Variants in ANKRD65 observed in about 807,000 individuals in gnomAD.
ANKRD65 encodes ankyrin repeat domain-containing protein 65.
Under a neutral mutation model 17.2 loss-of-function variants are expected in ANKRD65, and 26 were observed. That is an observed-to-expected ratio of 1.51 (90% CI 1.11 to 2.09). The LOEUF (loss-of-function observed/expected upper bound fraction) is 2.09. ANKRD65 is among the 30% of genes most tolerant of loss of function. The pLI is 0.00. For missense variants in ANKRD65, 621 were observed against 542.2 expected (o/e 1.15, Z -1.44); for synonymous variants, 311 against 272.2 (o/e 1.14, Z -1.40).
At position 1,418,786 on chromosome 1, in the gene ANKRD65, T is replaced by A. The variant is rs1032986249; in HGVS notation, c.*314A>T. 1.8e-5 allele frequency: 5 copies of A among 280,020 alleles called. No homozygotes were observed. Among genetic ancestry groups the A allele is most frequent in the African/African-American group, 4.4e-5 (2 of 45,610 alleles). 17.3% of individuals were successfully genotyped at this position (280,020 alleles called of 1,614,324 possible). A position where few individuals can be genotyped will look rare whatever the true frequency, so the allele number is the denominator to read the frequency against. Reference sequence around the variant, plus strand: ...CTGCCTGCCTGTCTTTGGTTTTACTTCCTTGTTGTTTTTTCTTAAAACAGG... The same window carrying A: ...CTGCCTGCCTGTCTTTGGTTTTACTACCTTGTTGTTTTTTCTTAAAACAGG... On this transcript the variant is annotated 3_prime_UTR_variant, in exon 4 of 4. Coordinates refer to ENST00000537107, the MANE Select transcript of ANKRD65 (RefSeq NM_001145210.3).
rs1645519863 is a variant in ANKRD65 at position 1,420,113 on chromosome 1, T to A, written c.689A>T (p.Asp230Val). 7.9e-7 allele frequency: 1 copy of A among 1,266,966 alleles called. No individual in the cohort carries two copies. 78.5% of individuals were successfully genotyped at this position (1,266,966 alleles called of 1,614,324 possible). ...RFLLARGARVDARDGAGATAL... is the reference protein window; with the variant it reads ...RFLLARGARVVARDGAGATAL... ...TGTGGCCCCCGCGCCATCCCGGGCGTCCACCCGCGCCCCGCGCGCCAGGAG... is the reference window on the plus strand; with the variant it reads ...TGTGGCCCCCGCGCCATCCCGGGCGACCACCCGCGCCCCGCGCGCCAGGAG... The change falls in exon 3 of 4, where the codon GAC becomes GTC. Residue 230 changes from aspartate (D) to valine (V), a missense_variant. Coordinates refer to ENST00000537107, the MANE Select transcript of ANKRD65 (RefSeq NM_001145210.3).
In ANKRD65 at chr1:1,419,027, C is replaced by T; in HGVS notation, c.*73G>A. 7.0e-7 allele frequency: 1 copy of T among 1,424,980 alleles called. No individual in the cohort carries two copies. The highest frequency in any genetic ancestry group is 9.3e-7 in the Non-Finnish European group (1 of 1,074,696). The allele number at this position is 1,424,980 out of a possible 1,614,324, so 88.3% of individuals were successfully genotyped here. A position where few individuals can be genotyped will look rare whatever the true frequency, so the allele number is the denominator to read the frequency against. ...CCGGAAGCCTCTTCCCTGATGTCCC[C>T]TCCAGGCAGGCAGCCTCAGCCAGAG... On this transcript the variant is annotated 3_prime_UTR_variant, in exon 4 of 4. Transcript: ENST00000537107.
Position 1,420,257 on chromosome 1 carries a change from T to C in ANKRD65, c.545A>G (p.His182Arg). ...AEDARGWTAA[H>R]WAAAGGRLAV... Reference sequence around the variant, plus strand: ...CAGCCGCCCGCCCGCGGCCGCCCAGTGCGCCGCCGTCCAGCCGCGCGCGTC... The same window carrying C: ...CAGCCGCCCGCCCGCGGCCGCCCAGCGCGCCGCCGTCCAGCCGCGCGCGTC... Residue 182 changes from histidine to arginine, a missense_variant, in exon 3 of 4, where the codon CAC becomes CGC. Transcript: ENST00000537107. The C allele has an allele frequency of 5.0e-6, 5 of 998,126 alleles. No homozygotes were observed. The highest frequency in any genetic ancestry group is 5.9e-6 in the Non-Finnish European group (5 of 840,702). 61.8% of individuals were successfully genotyped at this position (998,126 alleles called of 1,614,324 possible).
Position 1,421,223 on chromosome 1 carries a change from CA to C in ANKRD65, c.-92del. On this transcript the variant is annotated 5_prime_UTR_variant, in exon 1 of 4. Transcript: ENST00000537107. ...AGGCTCAGCCTGGTGACCCTCTTCA[CA>C]AAATCCCTTCTGCAGGCTTTGGGGT... is the stretch of plus-strand genomic sequence containing the variant. 1 of 576,792 alleles carries C rather than the reference CA, an allele frequency of 1.7e-6. No individual in the cohort carries two copies. 35.7% of individuals were successfully genotyped at this position (576,792 alleles called of 1,614,324 possible). A position where few individuals can be genotyped will look rare whatever the true frequency, so the allele number is the denominator to read the frequency against.
In ANKRD65 at chr1:1,420,782, C is replaced by T; in HGVS notation, c.209+15G>A. 1 of 1,540,960 alleles carries T rather than the reference C, an allele frequency of 6.5e-7. No individual in the cohort carries two copies. The highest frequency in any genetic ancestry group is 8.8e-7 in the Non-Finnish European group (1 of 1,142,592). On this transcript the variant is annotated intron_variant, in intron 2 of 3. Transcript: ENST00000537107. The stretch of plus-strand genomic sequence containing the variant: ...CCCAGAGAAGGGACCCCTTCACCCC[C>T]CAGCGCAGGTGCACCTCTCCTCCAC...
rs1037384424 is a variant in ANKRD65 at position 1,420,042 on chromosome 1, C to G, written c.750+10G>C. 29 of 1,268,580 alleles carry G rather than the reference C, an allele frequency of 2.3e-5. No individual in the cohort carries two copies. Among genetic ancestry groups the G allele is most frequent in the Non-Finnish European group, 2.9e-5 (29 of 1,006,994 alleles). The allele number at this position is 1,268,580 out of a possible 1,614,324, so 78.6% of individuals were successfully genotyped here. A position where few individuals can be genotyped will look rare whatever the true frequency, so the allele number is the denominator to read the frequency against. On this transcript the variant is annotated intron_variant, in intron 3 of 3. Coordinates refer to ENST00000537107, the MANE Select transcript of ANKRD65 (RefSeq NM_001145210.3). ...CCTCCCATCACTGCCGGGCGGAGGG[C>G]GGGACGTACCTGGGAGCGGCCTAGG...
Position 1,419,465 on chromosome 1 carries a change from G to A in ANKRD65, c.835C>T (p.Arg279Ter), listed in dbSNP as rs749112189. Residue 279 changes from arginine (R) to a stop codon, truncating the protein, a stop_gained, in exon 4 of 4, where the codon CGA becomes TGA. Coordinates refer to ENST00000537107, the MANE Select transcript of ANKRD65 (RefSeq NM_001145210.3). LOFTEE classifies it low-confidence loss of function (END_TRUNC). ...GRSALHRAAA[R>*]GHLLAVQLLV... ...AACTGGACGGCAAGCAGGTGTCCTC[G>A]GGCGGCAGCCCTGTGCAGCGCAGAG... 3.9e-5 allele frequency: 61 copies of A among 1,548,214 alleles called. No individual in the cohort carries two copies. The highest frequency in any genetic ancestry group is 3.3e-4 in the Admixed American group (17 of 50,976).
In ANKRD65 at chr1:1,421,231, C is replaced by T. The variant is rs1645552854; in HGVS notation, c.-99G>A. ...CCTGGTGACCCTCTTCACAAAATCC[C>T]TTCTGCAGGCTTTGGGGTGGAGTGT... On this transcript the variant is annotated 5_prime_UTR_variant, in exon 1 of 4. Transcript: ENST00000537107. 5 of 567,460 alleles carry T rather than the reference C, an allele frequency of 8.8e-6. No individual in the cohort carries two copies. The highest frequency in any genetic ancestry group is 1.6e-5 in the Non-Finnish European group (5 of 318,404). The allele number at this position is 567,460 out of a possible 1,614,324, so 35.2% of individuals were successfully genotyped here. A position where few individuals can be genotyped will look rare whatever the true frequency, so the allele number is the denominator to read the frequency against.
rs1389536565 is a variant in ANKRD65 at position 1,420,178 on chromosome 1, G to C, written c.624C>G (p.Leu208=). The stretch of plus-strand genomic sequence containing the variant: ...CCCCGCGCCCCGCAGCGGCAGCCAC[G>C]AGCAGGGCGCCGTCCAGGCCCGCGC... ...AGGAGLDGAL[L]VAAAAGRGAA... The change falls in exon 3 of 4, where the codon CTC becomes CTG. Residue 208 remains leucine (L), a synonymous_variant. Transcript: ENST00000537107. 4.0e-5 allele frequency: 43 copies of C among 1,074,956 alleles called. No homozygotes were observed. The highest frequency in any genetic ancestry group is 4.7e-5 in the Non-Finnish European group (42 of 890,746). 66.6% of individuals were successfully genotyped at this position (1,074,956 alleles called of 1,614,324 possible).
chr1:1,420,184 GGCGCCGTCC>G lies in ANKRD65; in HGVS notation c.609_617del (p.Asp204_Ala206del). 9.5e-7 allele frequency: 1 copy of G among 1,050,390 alleles called. No homozygotes were observed. Among genetic ancestry groups the G allele is most frequent in the Non-Finnish European group, 1.1e-6 (1 of 875,470 alleles). 65.1% of individuals were successfully genotyped at this position (1,050,390 alleles called of 1,614,324 possible). On this transcript the variant is annotated inframe_deletion, in exon 3 of 4. Coordinates refer to ENST00000537107, the MANE Select transcript of ANKRD65 (RefSeq NM_001145210.3). ...GCCCCGCAGCGGCAGCCACGAGCAGGGCGCCGTCCAGGCCCGCGCCGCCGGCCGCCAGCA... is the reference window on the plus strand; with the variant it reads ...GCCCCGCAGCGGCAGCCACGAGCAGGAGGCCCGCGCCGCCGGCCGCCAGCA...
Position 1,418,964 on chromosome 1 carries a change from G to A in ANKRD65, c.*136C>T, listed in dbSNP as rs1645491199. On this transcript the variant is annotated 3_prime_UTR_variant, in exon 4 of 4. Transcript: ENST00000537107. ...GGTCCAGCCAAGGCCTGTGACTGCA[G>A]CTCAAGCCACATCCCCTACTTTCTC... The A allele has an allele frequency of 1.8e-6, 2 of 1,081,854 alleles. No homozygotes were observed. The highest frequency in any genetic ancestry group is 2.6e-6 in the Non-Finnish European group (2 of 770,844). The allele number at this position is 1,081,854 out of a possible 1,614,324, so 67.0% of individuals were successfully genotyped here. A position where few individuals can be genotyped will look rare whatever the true frequency, so the allele number is the denominator to read the frequency against.
In ANKRD65 at chr1:1,420,043, G is replaced by A. The variant is rs1277650594; in HGVS notation, c.750+9C>T. ...CTCCCATCACTGCCGGGCGGAGGGC[G>A]GGACGTACCTGGGAGCGGCCTAGGG... On this transcript the variant is annotated intron_variant, in intron 3 of 3. Coordinates refer to ENST00000537107, the MANE Select transcript of ANKRD65 (RefSeq NM_001145210.3). The A allele has an allele frequency of 3.9e-6, 5 of 1,270,668 alleles. No homozygotes were observed. Among genetic ancestry groups the A allele is most frequent in the Non-Finnish European group, 5.0e-6 (5 of 1,008,246 alleles). The allele number at this position is 1,270,668 out of a possible 1,614,324, so 78.7% of individuals were successfully genotyped here.
chr1:1,420,089 G>C lies in ANKRD65; in HGVS notation c.713C>G (p.Thr238Arg). The stretch of plus-strand genomic sequence containing the variant: ...TAGGGCGGCCGCCAGACCCAGCGCT[G>C]TGGCCCCCGCGCCATCCCGGGCGTC... ...RVDARDGAGA[T>R]ALGLAAALGR... Residue 238 changes from threonine (T) to arginine (R), a missense_variant, in exon 3 of 4, where the codon ACA becomes AGA. Physicochemically the swap from Thr to Arg is moderately conservative, Grantham distance 71. Transcript: ENST00000537107. 1 of 1,289,334 alleles carries C rather than the reference G, an allele frequency of 7.8e-7. No homozygotes were observed. The allele number at this position is 1,289,334 out of a possible 1,614,324, so 79.9% of individuals were successfully genotyped here.
At position 1,420,908 on chromosome 1, in the gene ANKRD65, G is replaced by A; in HGVS notation, c.98C>T (p.Thr33Ile). 6.4e-7 allele frequency: 1 copy of A among 1,550,624 alleles called. No individual in the cohort carries two copies. Among genetic ancestry groups the A allele is most frequent in the East Asian group, 2.4e-5 (1 of 40,908 alleles). Residue 33 changes from threonine (T) to isoleucine (I), a missense_variant, in exon 2 of 4, where the codon ACA becomes ATA. By Grantham distance (89) the Thr-to-Ile change is moderately conservative. Transcript: ENST00000537107. ...LDSEEALGTRTEGPSVVQGWG... is the reference protein window; with the variant it reads ...LDSEEALGTRIEGPSVVQGWG... ...GCCCTGGACAACACTAGGCCCCTCT[G>A]TCCTGGTTCCCAGGGCCTCTTCGGA...
Position 1,418,957 on chromosome 1 carries a change from G to A in ANKRD65, c.*143C>T. The A allele has an allele frequency of 1.0e-6, 1 of 992,904 alleles. No homozygotes were observed. The highest frequency in any genetic ancestry group is 1.4e-6 in the Non-Finnish European group (1 of 692,902). The allele number at this position is 992,904 out of a possible 1,614,324, so 61.5% of individuals were successfully genotyped here. A position where few individuals can be genotyped will look rare whatever the true frequency, so the allele number is the denominator to read the frequency against. On this transcript the variant is annotated 3_prime_UTR_variant, in exon 4 of 4. Transcript: ENST00000537107. ...CATCCCTGGTCCAGCCAAGGCCTGT[G>A]ACTGCAGCTCAAGCCACATCCCCTA... is the stretch of plus-strand genomic sequence containing the variant.
intron 2 of ANKRD65, 57 bp from the exon 3 acceptor site, chr1:1,420,649 C>CAG: frequency 7.2e-7 from 1 of 1,393,726 alleles, no homozygotes; most frequent in Non-Finnish European, 9.3e-7. Flanking sequence ...GAACCCCGCC[C>CAG]TGCCCCACCC....
rs765255807 is a variant in ANKRD65, at chr1:1,419,196, G to T, written c.1104C>A (p.Ala368=). ...CCCCCTCAGGCATCTGGGCCACCTC[G>T]GCCCACTGCGTCCGCAGAGTGGGGC... ...GASPTLRTQW[A]EVAQMPEGDL... Residue 368 remains alanine, a synonymous_variant, in exon 4 of 4, where the codon GCC becomes GCA. Transcript: ENST00000537107. 6.5e-7 allele frequency: 1 copy of T among 1,549,222 alleles called. No homozygotes were observed.
rs954286845 is a variant in ANKRD65, at chr1:1,420,368, T to G, written c.434A>C (p.His145Pro). 1 of 1,277,542 alleles carries G rather than the reference T, an allele frequency of 7.8e-7. No individual in the cohort carries two copies. Among genetic ancestry groups the G allele is most frequent in the Non-Finnish European group, 9.9e-7 (1 of 1,005,314 alleles). 79.1% of individuals were successfully genotyped at this position (1,277,542 alleles called of 1,614,324 possible). ...ARSGTGLTPL[H>P]WAAALGHTLL... Reference sequence around the variant, plus strand: ...CGTGTGGCCCAGGGCAGCGGCCCAGTGCAGCGGCGTGAGGCCCGTCCCGGA... The same window carrying G: ...CGTGTGGCCCAGGGCAGCGGCCCAGGGCAGCGGCGTGAGGCCCGTCCCGGA... Residue 145 changes from histidine (H) to proline (P), a missense_variant, in exon 3 of 4, where the codon CAC becomes CCC. Transcript: ENST00000537107.
In ANKRD65 at chr1:1,420,061, G is replaced by T. The variant is rs893092725; in HGVS notation, c.741C>A (p.Gly247=). The T allele has an allele frequency of 7.8e-7, 1 of 1,286,732 alleles. No homozygotes were observed. Among genetic ancestry groups the T allele is most frequent in the Non-Finnish European group, 9.8e-7 (1 of 1,018,806 alleles). The allele number at this position is 1,286,732 out of a possible 1,614,324, so 79.7% of individuals were successfully genotyped here. A position where few individuals can be genotyped will look rare whatever the true frequency, so the allele number is the denominator to read the frequency against. ...ATALGLAAAL[G]RSQDIEVLLG... ...GGAGGGCGGGACGTACCTGGGAGCG[G>T]CCTAGGGCGGCCGCCAGACCCAGCG... is the stretch of plus-strand genomic sequence containing the variant. Residue 247 remains glycine (G), a synonymous_variant, in exon 3 of 4, where the codon GGC becomes GGA. Transcript: ENST00000537107.
Sources: allele counts gnomAD v4.1 joint callset, GRCh38; gene constraint gnomAD v4.1.1; transcripts MANE v1.5; gene names NCBI Gene and HGNC (gene_info 2026-07-23, HGNC 2026-07-21).